Variants in ZNF536 observed in about 807,000 individuals in gnomAD.
The protein encoded by ZNF536 is zinc finger protein 536.
In ZNF536, 13 loss-of-function variants were observed where a neutral mutation model predicts 84.5. That is an observed-to-expected ratio of 0.15 (90% CI 0.10 to 0.24). The LOEUF is 0.24. Ranked by LOEUF, ZNF536 falls within the 10% of genes least tolerant of loss-of-function variation. The pLI is 1.00. For synonymous variants in ZNF536, 811 were observed against 742.5 expected (o/e 1.09, Z -1.50); for missense variants, 1,536 against 1,747.5 (o/e 0.88, Z 2.16).
At chr19:30,513,477 A>G (rs1362480015) in intron 2 of ZNF536, among the ~76,000 whole-genome samples, 1 of 151,932 alleles carries the variant, frequency 6.6e-6, no homozygotes, top group Non-Finnish European at 1.5e-5. Flanking sequence ...TGTGCCCCCA[A>G]CCCCGGTGAC....
chr19:30,624,184 G>GTTT (rs1352058586), intron 1 of ZNF536, among the ~76,000 whole-genome samples: 1 of 152,146 alleles, frequency 6.6e-6, no homozygotes, highest in African/African-American at 2.4e-5. Flanking sequence ...GTATGCCCAT[G>GTTT]TGACCCCTGG....
At chr19:30,384,317 TC>T (rs1568378685) in intron 1 of ZNF536, among the ~76,000 whole-genome samples, 1 of 562 alleles carries the variant, frequency 1.8e-3, no homozygotes, top group African/African-American at 4.4e-3. Context: ...TCCCCTCCCT[TC>T]CCCTCCCCTC....
intron 1 of ZNF536, among the ~76,000 whole-genome samples, chr19:30,643,460 T>C (rs1238228376): frequency 6.6e-6 from 1 of 152,244 alleles, no homozygotes. Context: ...CCTAAACTTT[T>C]ATACCATTTA....
intron 2 of ZNF536, among the ~76,000 whole-genome samples, chr19:30,511,683 G>A (rs1268800730): frequency 2.0e-5 from 3 of 152,170 alleles, no homozygotes; most frequent in Admixed American, 2.0e-4. Flanking sequence ...ACATACACAT[G>A]TAAAATTTTA....
At chr19:30,687,134 G>A (rs994105171) in intron 1 of ZNF536, among the ~76,000 whole-genome samples, 2 of 152,200 alleles carry the variant, frequency 1.3e-5, no homozygotes, top group South Asian at 2.1e-4. Flanking sequence ...GCTTCAGCCC[G>A]GCCGGGCAGA....
chr19:30,624,939 C>G (rs1401220189), intron 1 of ZNF536, among the ~76,000 whole-genome samples: 2 of 152,162 alleles, frequency 1.3e-5, no homozygotes, highest in Non-Finnish European at 2.9e-5. Flanking sequence ...TCTCCTGCTG[C>G]CTTGTGAAAA....
intron 2 of ZNF536, among the ~76,000 whole-genome samples, chr19:30,446,308 C>T (rs2052345283): frequency 2.1e-5 from 3 of 142,366 alleles, no homozygotes; most frequent in Admixed American, 1.4e-4. Context: ...GAAAGTTGTG[C>T]GGGAGATGGC....
At chr19:30,633,017 C>T (rs1414582958) in intron 1 of ZNF536, among the ~76,000 whole-genome samples, 1 of 152,148 alleles carries the variant, frequency 6.6e-6, no homozygotes, top group East Asian at 1.9e-4. Flanking sequence ...ACCAGCCAAG[C>T]CCTTTTCAAT....
intron 1 of ZNF536, among the ~76,000 whole-genome samples, chr19:30,633,409 T>C (rs1434952790): frequency 6.6e-6 from 1 of 152,252 alleles, no homozygotes; most frequent in Non-Finnish European, 1.5e-5. Context: ...ATTTAACTTT[T>C]TTTATAAGAA....
chr19:30,529,662 C>T (rs1319144264), intron 2 of ZNF536, among the ~76,000 whole-genome samples: 1 of 152,214 alleles, frequency 6.6e-6, no homozygotes, highest in African/African-American at 2.4e-5. Context: ...TTAGGAAGGT[C>T]TGTTGCCTGA....
At chr19:30,554,848 C>G (rs2045911411) in intron 4 of ZNF536, 1 of 152,182 alleles carries the variant, frequency 6.6e-6, no homozygotes, top group African/African-American at 2.4e-5. Flanking sequence ...CGTGGTCATC[C>G]CTAGGGAATG....
At chr19:30,648,224 G>A (rs1475069885) in intron 1 of ZNF536, among the ~76,000 whole-genome samples, 1 of 152,162 alleles carries the variant, frequency 6.6e-6, no homozygotes, top group Non-Finnish European at 1.5e-5. Context: ...TCAAGGGGCT[G>A]GGCCCACAAG....
chr19:30,400,400 A>G (rs2049999607), intron 1 of ZNF536, among the ~76,000 whole-genome samples: 1 of 152,192 alleles, frequency 6.6e-6, no homozygotes, highest in Admixed American at 6.5e-5. Flanking sequence ...TAGTATCGTC[A>G]TTTTGAACAG....
chr19:30,625,362 T>G (rs1466617802), intron 1 of ZNF536, among the ~76,000 whole-genome samples: 1 of 152,176 alleles, frequency 6.6e-6, no homozygotes, highest in Admixed American at 6.5e-5. Context: ...CATTCTAATC[T>G]AGGAGGAAAG....
chr19:30,383,315 A>C (rs2049097862), intron 1 of ZNF536, among the ~76,000 whole-genome samples: 1 of 151,674 alleles, frequency 6.6e-6, no homozygotes. Context: ...AACAAACAAA[A>C]AAAACAAATG....
chr19:30,389,941 T>C (rs1184103895), intron 1 of ZNF536, among the ~76,000 whole-genome samples: 1 of 152,198 alleles, frequency 6.6e-6, no homozygotes, highest in Non-Finnish European at 1.5e-5. Flanking sequence ...GGCTTGCTGT[T>C]TCTGATATGT....
At chr19:30,571,164 G>C (rs2046533050) in intron 1 of ZNF536, among the ~76,000 whole-genome samples, 1 of 151,992 alleles carries the variant, frequency 6.6e-6, no homozygotes, top group Non-Finnish European at 1.5e-5. Flanking sequence ...AAGAAGCACT[G>C]TGGGTACTCT....
intron 2 of ZNF536, among the ~76,000 whole-genome samples, chr19:30,325,365 G>T (rs944436878): frequency 2.0e-5 from 3 of 152,210 alleles, no homozygotes; most frequent in African/African-American, 7.2e-5. Context: ...CGGTGTGGTG[G>T]CTGCAACCCA....
intron 1 of ZNF536, among the ~76,000 whole-genome samples, chr19:30,701,298 T>C (rs1463384702): frequency 3.7e-4 from 32 of 86,818 alleles, no homozygotes; most frequent in Non-Finnish European, 3.9e-4. Flanking sequence ...CAAACACACA[T>C]ACACAAACAC....
Sources: allele counts gnomAD v4.1 joint callset (sites outside exome capture counted in the v4.1 genomes callset), GRCh38; gene constraint gnomAD v4.1.1; transcripts MANE v1.5; gene names NCBI Gene and HGNC (gene_info 2026-07-23, HGNC 2026-07-21).